SAMD4A: variants seen among roughly 807,000 people sequenced by gnomAD.
SAMD4A encodes sterile alpha motif domain containing 4A.
Under a neutral mutation model 81.3 loss-of-function variants are expected in SAMD4A, and 33 were observed. The ratio of observed to expected loss-of-function variants is 0.41; its 90% CI spans 0.31 to 0.54. The LOEUF is 0.54. Ranked by LOEUF, SAMD4A falls within the 20% of genes least tolerant of loss-of-function variation. The pLI, the probability that SAMD4A is intolerant of heterozygous loss-of-function variation, is 0.37. For synonymous variants in SAMD4A, 389 were observed against 382.1 expected (o/e 1.02, Z -0.21); for missense variants, 854 against 951.1 (o/e 0.90, Z 1.34).
rs1207744136 is a variant in SAMD4A at position 54,751,347 on chromosome 14, A to G, written c.1090-104A>G. 8.4e-6 allele frequency: 6 copies of G among 715,600 alleles called. 1 individual carries two copies. The highest frequency in any genetic ancestry group is 5.4e-5 in the East Asian group (2 of 36,940). The allele number at this position is 715,600 out of a possible 1,614,324, so 44.3% of individuals were successfully genotyped here. A position where few individuals can be genotyped will look rare whatever the true frequency, so the allele number is the denominator to read the frequency against. On this transcript the variant is annotated intron_variant, in intron 5 of 12. Coordinates refer to ENST00000554335, the MANE Select transcript of SAMD4A (RefSeq NM_015589.6). ...TGGATATTGATCAGCCCGTGAACAT[A>G]TAGGAGCAAAGAAGACAGTAAAAGC... is the stretch of plus-strand genomic sequence containing the variant.
Position 54,702,463 on chromosome 14 carries a change from A to G in SAMD4A, c.598A>G (p.Ile200Val), listed in dbSNP as rs1177241708. 4 of 1,614,176 alleles carry G rather than the reference A, an allele frequency of 2.5e-6. No individual in the cohort carries two copies. In the Admixed American group the frequency reaches 5.0e-5, roughly 20 times the overall value. The change falls in exon 3 of 13, where the codon ATC (isoleucine) becomes GTC (valine). Residue 200 changes from isoleucine (I) to valine (V), a missense_variant. By Grantham distance (29) the Ile-to-Val change is conservative. This residue lies in a region of SAMD4A where 387 missense variants were observed against 405.8 expected (regional missense o/e 0.95). Coordinates refer to ENST00000554335, the MANE Select transcript of SAMD4A (RefSeq NM_015589.6). Reference sequence around the variant, plus strand: ...GAACTCTCGGGATTCTGGGATTTGCATCAATGCCTCCAACTGGCAGGACAA... The same window carrying G: ...GAACTCTCGGGATTCTGGGATTTGCGTCAATGCCTCCAACTGGCAGGACAA... ...WQNSRDSGIC[I>V]NASNWQDKSM...
intron 2 of SAMD4A, among the ~76,000 whole-genome samples, chr14:54,594,276 G>A (rs1430722770): frequency 6.6e-6 from 1 of 152,024 alleles, no homozygotes; most frequent in Non-Finnish European, 1.5e-5. Flanking sequence ...GCCACTCTTT[G>A]GCTGAGTGTG....
At chr14:54,778,385 G>T (rs1422950018) in intron 11 of SAMD4A, among the ~76,000 whole-genome samples, 1 of 152,236 alleles carries the variant, frequency 6.6e-6, no homozygotes, top group Admixed American at 6.5e-5. Context: ...TGGCTGGCTT[G>T]TGCTCAGGGC....
intron 2 of SAMD4A, among the ~76,000 whole-genome samples, chr14:54,684,612 G>GA (rs1555342990): frequency 0.01 from 835 of 81,780 alleles, 15 homozygotes; most frequent in African/African-American, 0.038. Flanking sequence ...AGACACCCCC[G>GA]CCCCCCCCCC....
At chr14:54,640,084 A>T (rs2035137350) in intron 2 of SAMD4A, among the ~76,000 whole-genome samples, 2 of 152,018 alleles carry the variant, frequency 1.3e-5, no homozygotes, top group African/African-American at 4.8e-5. Context: ...ACCATCTGCA[A>T]GTCTGTTACT....
chr14:54,628,419 T>C (rs1025480652), intron 2 of SAMD4A, among the ~76,000 whole-genome samples: 3 of 152,110 alleles, frequency 2.0e-5, no homozygotes, highest in Non-Finnish European at 2.9e-5. Flanking sequence ...GGATGAAGAA[T>C]ATTTACTGCA....
At chr14:54,597,241 T>A (rs1460332452) in intron 2 of SAMD4A, among the ~76,000 whole-genome samples, 1 of 152,050 alleles carries the variant, frequency 6.6e-6, no homozygotes, top group Non-Finnish European at 1.5e-5. Flanking sequence ...CACATCTCTC[T>A]ATCTCTCTGT....
At chr14:54,748,650 GCAT>G (rs2038024828) in intron 4 of SAMD4A, among the ~76,000 whole-genome samples, 162 bp from the exon 5 acceptor site, 1 of 152,174 alleles carries the variant, frequency 6.6e-6, no homozygotes, top group Non-Finnish European at 1.5e-5. Context: ...TGAGACTTCT[GCAT>G]CTCAGCTAAA....
At chr14:54,725,887 C>A (rs1004062666) in intron 3 of SAMD4A, among the ~76,000 whole-genome samples, 1 of 152,210 alleles carries the variant, frequency 6.6e-6, no homozygotes, top group Non-Finnish European at 1.5e-5. Context: ...TTGATGCCTA[C>A]CCCAACGTCA....
At chr14:54,605,187 G>GAT (rs1353318681) in intron 2 of SAMD4A, among the ~76,000 whole-genome samples, 3 of 152,080 alleles carry the variant, frequency 2.0e-5, no homozygotes, top group Non-Finnish European at 4.4e-5. Context: ...CTGAGCACAG[G>GAT]ATGAGGATCA....
At chr14:54,709,874 T>C (rs150373277) in intron 3 of SAMD4A, among the ~76,000 whole-genome samples, 4 of 152,332 alleles carry the variant, frequency 2.6e-5, no homozygotes, top group African/African-American at 9.6e-5. Context: ...AATAAGTATT[T>C]CCTGGCTTTC....
chr14:54,740,456 C>T (rs1033060626), intron 4 of SAMD4A, among the ~76,000 whole-genome samples: 2 of 152,236 alleles, frequency 1.3e-5, no homozygotes, highest in Non-Finnish European at 2.9e-5. Context: ...GTGTCTTGCT[C>T]TCATCGTGCA....
At chr14:54,695,953 G>GAAAAAAAAAAAA (rs35817270) in intron 2 of SAMD4A, among the ~76,000 whole-genome samples, 7 of 78,288 alleles carry the variant, frequency 8.9e-5, no homozygotes, top group Admixed American at 1.3e-4. Flanking sequence ...CTCCATCTCA[G>GAAAAAAAAAAAA]AAAAAAAAAA....
At chr14:54,596,914 C>A (rs2033924204) in intron 2 of SAMD4A, among the ~76,000 whole-genome samples, 1 of 152,108 alleles carries the variant, frequency 6.6e-6, no homozygotes, top group Admixed American at 6.5e-5. Context: ...TGAAAGGTAG[C>A]CTTCTCTGTT....
At chr14:54,727,766 A>G (rs1350468378) in intron 3 of SAMD4A, among the ~76,000 whole-genome samples, 1 of 152,212 alleles carries the variant, frequency 6.6e-6, no homozygotes, top group Non-Finnish European at 1.5e-5. Flanking sequence ...CAAATATAGA[A>G]TCCATGAATA....
intron 6 of SAMD4A, 108 bp downstream of exon 6, chr14:54,751,645 G>A: frequency 2.6e-6 from 2 of 755,520 alleles, no homozygotes; most frequent in South Asian, 3.2e-5. Context: ...CGTACCATGT[G>A]GTTTCCTTAC....
chr14:54,653,964 C>T (rs978423097), intron 2 of SAMD4A, among the ~76,000 whole-genome samples: 7 of 152,184 alleles, frequency 4.6e-5, no homozygotes, highest in African/African-American at 1.7e-4. Context: ...CTTGCAAATA[C>T]CATTCGGTAT....
In SAMD4A at chr14:54,748,912, G is replaced by A. The variant is rs1373947462; in HGVS notation, c.1077G>A (p.Gln359=). 1 of 1,552,026 alleles carries A rather than the reference G, an allele frequency of 6.4e-7. No homozygotes were observed. ...YEEMMALTEC[Q]LEAQNVTKGA... is the part of the protein sequence containing the mutation. ...AGATGATGGCCCTCACCGAGTGCCAGCTGGAGGCGCAGGTATGTGCTTGAG... is the reference window on the plus strand; with the variant it reads ...AGATGATGGCCCTCACCGAGTGCCAACTGGAGGCGCAGGTATGTGCTTGAG... The change falls in exon 5 of 13, where the codon CAG becomes CAA. Residue 359 remains glutamine, a synonymous_variant. Transcript: ENST00000554335.
At position 54,747,446 on chromosome 14, in the gene SAMD4A, A is replaced by G. The variant is rs143828225; in HGVS notation, c.980-1369A>G. Among the ~76,000 whole-genome samples the G allele has an allele frequency of 8.4e-3, 1,283 of 152,356 alleles. 18 individuals are homozygous for G. Among genetic ancestry groups the G allele is most frequent in the African/African-American group, 0.029 (1,208 of 41,574 alleles). Reference sequence around the variant, plus strand: ...GCAGGGCCTGATTTCAGAATAGTCCAGGCCTCTTTCATCAATCTCAACATT... The same window carrying G: ...GCAGGGCCTGATTTCAGAATAGTCCGGGCCTCTTTCATCAATCTCAACATT... On this transcript the variant is annotated intron_variant, in intron 4 of 12. Coordinates refer to ENST00000554335, the MANE Select transcript of SAMD4A (RefSeq NM_015589.6).
Sources: allele counts gnomAD v4.1 joint callset (sites outside exome capture counted in the v4.1 genomes callset), GRCh38; gene constraint gnomAD v4.1.1; regional missense constraint gnomAD v4.1.1; transcripts MANE v1.5; gene names NCBI Gene and HGNC (gene_info 2026-07-23, HGNC 2026-07-21).